Variants in AGBL4 observed in about 807,000 individuals in gnomAD.
AGBL4 encodes the protein cytosolic carboxypeptidase 6.
A neutral mutation model predicts 66.4 loss-of-function variants in AGBL4; 58 were observed. The ratio of observed to expected loss-of-function variants is 0.87; its 90% CI spans 0.71 to 1.09. The LOEUF (loss-of-function observed/expected upper bound fraction) is 1.09. Ranked by LOEUF, AGBL4 falls within the 50% of genes least tolerant of loss-of-function variation. AGBL4 has a pLI of 0.00. For missense variants in AGBL4, 579 were observed against 631.0 expected (o/e 0.92, Z 0.88); for synonymous variants, 234 against 222.9 (o/e 1.05, Z -0.44).
chr1:49,372,590 CTTTCT>C (rs1644369599), intron 3 of AGBL4, among the ~76,000 whole-genome samples: 3 of 151,392 alleles, frequency 2.0e-5, no homozygotes, highest in Admixed American at 6.6e-5. Context: ...ATCTTTCTTT[CTTTCT>C]TTTCTTTTTC....
At chr1:48,941,159 G>A (rs1393765806) in intron 5 of AGBL4, among the ~76,000 whole-genome samples, 1 of 152,180 alleles carries the variant, frequency 6.6e-6, no homozygotes, top group Non-Finnish European at 1.5e-5. Context: ...GTGGCTCCTA[G>A]TATAGTGAAT....
intron 6 of AGBL4, among the ~76,000 whole-genome samples, chr1:48,846,397 G>GAA (rs1197020867): frequency 1.3e-5 from 2 of 150,566 alleles, no homozygotes; most frequent in Admixed American, 1.3e-4. Flanking sequence ...AAGAAAGAAA[G>GAA]AAAGAAAGAA....
intron 5 of AGBL4, among the ~76,000 whole-genome samples, chr1:49,022,886 A>G (rs965172540): frequency 1.3e-5 from 2 of 152,192 alleles, no homozygotes; most frequent in Admixed American, 1.3e-4. Flanking sequence ...AATTCCTAAC[A>G]ATTATGAACA....
At chr1:48,919,393 T>C (rs1653892432) in intron 5 of AGBL4, among the ~76,000 whole-genome samples, 1 of 152,250 alleles carries the variant, frequency 6.6e-6, no homozygotes, top group East Asian at 1.9e-4. Flanking sequence ...TCCTGGTCCA[T>C]AGTCCAGTGC....
At chr1:49,323,725 C>T (rs1645173972) in intron 3 of AGBL4, among the ~76,000 whole-genome samples, 1 of 150,658 alleles carries the variant, frequency 6.6e-6, no homozygotes, top group African/African-American at 2.4e-5. Flanking sequence ...GCCAAGATTG[C>T]ACCACTGCAC....
At chr1:48,995,008 T>C (rs904596902) in intron 5 of AGBL4, among the ~76,000 whole-genome samples, 4 of 152,096 alleles carry the variant, frequency 2.6e-5, no homozygotes, top group African/African-American at 9.7e-5. Flanking sequence ...AAAAGACAAA[T>C]CACGAAATTT....
intron 5 of AGBL4, among the ~76,000 whole-genome samples, chr1:48,913,349 A>G (rs563003880): frequency 1.3e-5 from 2 of 152,316 alleles, no homozygotes; most frequent in South Asian, 4.2e-4. Flanking sequence ...AGCTTAAGGC[A>G]GAAGTCCCCA....
intron 6 of AGBL4, chr1:48,817,739 A>G (rs1260382025): frequency 3.1e-6 from 1 of 326,622 alleles, no homozygotes; most frequent in African/African-American, 2.1e-5. Flanking sequence ...CACAGTAGCA[A>G]CAGGACTGGA....
At chr1:49,090,466 A>G (rs1280174442) in intron 4 of AGBL4, among the ~76,000 whole-genome samples, 1 of 152,182 alleles carries the variant, frequency 6.6e-6, no homozygotes, top group Non-Finnish European at 1.5e-5. Flanking sequence ...GAACCAAATC[A>G]AGAATGCAAT....
chr1:48,531,756 T>TTATGTATG (rs56107028), downstream of AGBL4, among the ~76,000 whole-genome samples: 2 of 150,668 alleles, frequency 1.3e-5, no homozygotes, highest in South Asian at 2.1e-4. Flanking sequence ...CTCCCTCTTA[T>TTATGTATG]TATGTATGTA....
At chr1:49,952,682 T>G (rs1402160098) in intron 1 of AGBL4, among the ~76,000 whole-genome samples, 2 of 151,864 alleles carry the variant, frequency 1.3e-5, no homozygotes, top group Admixed American at 1.3e-4. Context: ...AACCCAACAT[T>G]CTTTGTCTCA....
intron 3 of AGBL4, among the ~76,000 whole-genome samples, chr1:49,289,959 T>G (rs1211618314): frequency 6.6e-6 from 1 of 152,114 alleles, no homozygotes; most frequent in African/African-American, 2.4e-5. Flanking sequence ...AGAAGGCAGT[T>G]TAATAAAAAG....
At chr1:48,618,204 T>C (rs993991870) in intron 9 of AGBL4, among the ~76,000 whole-genome samples, 4 of 152,142 alleles carry the variant, frequency 2.6e-5, no homozygotes, top group Non-Finnish European at 4.4e-5. Flanking sequence ...CCTTGTCTCT[T>C]AAAACAAAAC....
At chr1:48,755,684 A>G (rs12096331) in intron 6 of AGBL4, among the ~76,000 whole-genome samples, 28,375 of 152,034 alleles carry the variant, frequency 0.19, 3,335 homozygotes, top group East Asian at 0.47. Context: ...CAGCAAGGGG[A>G]TATCTTACCA....
intron 3 of AGBL4, among the ~76,000 whole-genome samples, chr1:49,624,815 G>A (rs973113298): frequency 2.0e-5 from 3 of 152,172 alleles, no homozygotes; most frequent in Non-Finnish European, 4.4e-5. Context: ...TTCTCCATGT[G>A]AGAAAATAAT....
chr1:49,665,300 TG>T (rs1299759790), intron 3 of AGBL4, among the ~76,000 whole-genome samples: 1 of 152,154 alleles, frequency 6.6e-6, no homozygotes, highest in Non-Finnish European at 1.5e-5. Context: ...TTTTTGTTTT[TG>T]TTTTTGTTTT....
intron 2 of AGBL4, among the ~76,000 whole-genome samples, chr1:49,710,531 T>C (rs1439515771): frequency 6.6e-6 from 1 of 152,122 alleles, no homozygotes; most frequent in Non-Finnish European, 1.5e-5. Flanking sequence ...GGCCCATATA[T>C]ACCTATGTAA....
chr1:49,258,310 G>A (rs1296645996), intron 3 of AGBL4, among the ~76,000 whole-genome samples: 1 of 152,226 alleles, frequency 6.6e-6, no homozygotes. Flanking sequence ...GATGGAGAAT[G>A]ACTTTGATGA....
At chr1:48,662,564 A>C (rs1396776511) in intron 7 of AGBL4, among the ~76,000 whole-genome samples, 1 of 152,204 alleles carries the variant, frequency 6.6e-6, no homozygotes, top group Admixed American at 6.5e-5. Context: ...ATAGCTGACT[A>C]AATGTAGTAT....
Sources: gnomAD v4.1 joint callset for allele counts (sites outside exome capture counted in the v4.1 genomes callset) on GRCh38, gnomAD v4.1.1 for gene constraint, MANE v1.5 for transcripts, NCBI Gene and HGNC (gene_info 2026-07-23, HGNC 2026-07-21) for gene names.